Variants in PLN observed in about 807,000 individuals in gnomAD.
PLN encodes phospholamban.
PLN carries 1 observed loss-of-function variant against 3.9 expected under a neutral mutation model. The ratio of observed to expected loss-of-function variants is 0.26; its 90% CI spans 0.09 to 1.23. The LOEUF (loss-of-function observed/expected upper bound fraction) is 1.23, where lower values mean the gene tolerates loss of function less well. Among genes scored for constraint, PLN ranks in the 50% most tolerant of loss-of-function variants. The pLI is 0.48. For missense variants in PLN, 59 were observed against 62.7 expected, an observed-to-expected ratio of 0.94 and a Z score of 0.20; for synonymous variants, 21 against 20.5, an observed-to-expected ratio of 1.02 and a Z score of -0.07.
chr6:118,555,192 G>C (rs1222506634), intron 1 of PLN, among the ~76,000 whole-genome samples: 2 of 152,176 alleles, frequency 1.3e-5, no homozygotes, highest in Non-Finnish European at 2.9e-5. Flanking sequence ...AGCACTTTGG[G>C]AGGCCGAGGC....
chr6:118,556,120 T>G (rs1778857856), intron 1 of PLN, among the ~76,000 whole-genome samples: 1 of 152,228 alleles, frequency 6.6e-6, no homozygotes, highest in African/African-American at 2.4e-5. Context: ...TTCATGGGTG[T>G]ATGTCTTTAC....
intron 1 of PLN, among the ~76,000 whole-genome samples, chr6:118,554,139 T>TGG (rs1778708499): frequency 6.6e-6 from 1 of 151,886 alleles, no homozygotes; most frequent in African/African-American, 2.4e-5. Flanking sequence ...AATACAAAAA[T>TGG]TAGCCAGGCA....
At chr6:118,556,787 A>G (rs923137064) in intron 1 of PLN, among the ~76,000 whole-genome samples, 3 of 152,114 alleles carry the variant, frequency 2.0e-5, no homozygotes, top group Non-Finnish European at 4.4e-5. Flanking sequence ...CATTTTTCTT[A>G]TTTCAAAATT....
chr6:118,548,879 ATAT>A (rs1016829333), intron 1 of PLN, among the ~76,000 whole-genome samples: 22 of 152,062 alleles, frequency 1.4e-4, no homozygotes, highest in Non-Finnish European at 2.5e-4. Flanking sequence ...GCCTATTCCA[ATAT>A]TATCATAATT....
intron 1 of PLN, among the ~76,000 whole-genome samples, chr6:118,555,943 C>T (rs1001771767): frequency 6.6e-6 from 1 of 152,164 alleles, no homozygotes; most frequent in Non-Finnish European, 1.5e-5. Context: ...GGGATAATGA[C>T]CTCCAGCTCC....
chr6:118,559,185 A>G lies in PLN; in HGVS notation c.*105A>G, dbSNP rs1218771930. ...TTGTATAACAGACCACTTCCTGAGTAGAAGAGTTTCTTTGTGAAAAGGTCA... is the reference window on the plus strand; with the variant it reads ...TTGTATAACAGACCACTTCCTGAGTGGAAGAGTTTCTTTGTGAAAAGGTCA... On this transcript the variant is annotated 3_prime_UTR_variant, in exon 2 of 2. Coordinates refer to ENST00000357525, the MANE Select transcript of PLN (RefSeq NM_002667.5). The G allele has an allele frequency of 8.1e-6, 7 of 861,588 alleles. No homozygotes were observed. The highest frequency in any genetic ancestry group is 5.1e-5 in the Admixed American group (3 of 58,784). The allele number at this position is 861,588 out of a possible 1,614,324, so 53.4% of individuals were successfully genotyped here. A position where few individuals can be genotyped will look rare whatever the true frequency, so the allele number is the denominator to read the frequency against.
At chr6:118,556,656 G>A (rs1224093424) in intron 1 of PLN, among the ~76,000 whole-genome samples, 1 of 152,110 alleles carries the variant, frequency 6.6e-6, no homozygotes, top group South Asian at 2.1e-4. Context: ...AAGGACTTAG[G>A]AGAAAATAAA....
intron 1 of PLN, among the ~76,000 whole-genome samples, chr6:118,557,820 G>A (rs558770387): frequency 1.4e-4 from 22 of 152,306 alleles, no homozygotes; most frequent in Admixed American, 2.0e-4. Flanking sequence ...AGATCCCACC[G>A]TATTTGAATT....
chr6:118,556,716 C>G (rs1216252050), intron 1 of PLN, among the ~76,000 whole-genome samples: 2 of 152,086 alleles, frequency 1.3e-5, no homozygotes, highest in Non-Finnish European at 2.9e-5. Flanking sequence ...AATAATATAT[C>G]AACAAATGTT....
Position 118,554,513 on chromosome 6 carries a change from A to G in PLN, c.-97-4312A>G, listed in dbSNP as rs1212021622. On this transcript the variant is annotated intron_variant, in intron 1 of 1. Coordinates refer to ENST00000357525, the MANE Select transcript of PLN (RefSeq NM_002667.5). ...TCATAAAAATCCCTTATTTAACTTTAGTGATTTATTGAAGCATACCAATTA... is the reference window on the plus strand; with the variant it reads ...TCATAAAAATCCCTTATTTAACTTTGGTGATTTATTGAAGCATACCAATTA... Among the ~76,000 whole-genome samples the G allele has an allele frequency of 2.6e-5, 4 of 152,274 alleles. No homozygotes were observed. The East Asian group carries it at 7.7e-4, about 29-fold the overall frequency.
chr6:118,556,210 CTGCTATT>C (rs1280948400), intron 1 of PLN, among the ~76,000 whole-genome samples: 1 of 152,148 alleles, frequency 6.6e-6, no homozygotes, highest in Non-Finnish European at 1.5e-5. Context: ...CTTTTATAAG[CTGCTATT>C]TTCTAAGTAG....
chr6:118,557,921 G>T (rs1778973465), intron 1 of PLN, among the ~76,000 whole-genome samples: 1 of 149,980 alleles, frequency 6.7e-6, no homozygotes, highest in South Asian at 2.1e-4. Context: ...CACAACCACT[G>T]TTACTCACTG....
At position 118,560,374 on chromosome 6, in the gene PLN, A is replaced by G. The variant is rs951182196; in HGVS notation, c.*1294A>G. 2 of 167,008 alleles carry G rather than the reference A, an allele frequency of 1.2e-5. No individual in the cohort carries two copies. The highest frequency in any genetic ancestry group is 6.5e-5 in the Admixed American group (1 of 15,282). 10.3% of individuals were successfully genotyped at this position (167,008 alleles called of 1,614,324 possible). Reference sequence around the variant, plus strand: ...TAGAGAAAATGTTATTTAGAAAATCATAAGAAAGAGAAAATATATTTACTA... The same window carrying G: ...TAGAGAAAATGTTATTTAGAAAATCGTAAGAAAGAGAAAATATATTTACTA... On this transcript the variant is annotated 3_prime_UTR_variant, in exon 2 of 2. Coordinates refer to ENST00000357525, the MANE Select transcript of PLN (RefSeq NM_002667.5).
In PLN at chr6:118,558,882, C is replaced by T. The variant is rs774271388; in HGVS notation, c.-40C>T. 7.7e-6 allele frequency: 12 copies of T among 1,552,310 alleles called. No homozygotes were observed. Among genetic ancestry groups the T allele is most frequent in the Admixed American group, 3.3e-5 (2 of 59,798 alleles). ...GGCTGCCAGCTTTTTATCTTTCTCT[C>T]GACCACTTAAAACTTCAGACTTCCT... On this transcript the variant is annotated 5_prime_UTR_variant, in exon 2 of 2. Coordinates refer to ENST00000357525, the MANE Select transcript of PLN (RefSeq NM_002667.5).
intron 1 of PLN, among the ~76,000 whole-genome samples, chr6:118,553,383 G>A (rs1360903958): frequency 6.6e-6 from 1 of 152,114 alleles, no homozygotes; most frequent in African/African-American, 2.4e-5. Flanking sequence ...CTCAATGTAT[G>A]ACAGGAAGCC....
At chr6:118,554,089 A>G (rs767670455) in intron 1 of PLN, among the ~76,000 whole-genome samples, 3 of 152,100 alleles carry the variant, frequency 2.0e-5, no homozygotes, top group Non-Finnish European at 2.9e-5. Context: ...GGAGTTTGAG[A>G]CCAGCCTGTG....
intron 1 of PLN, among the ~76,000 whole-genome samples, chr6:118,557,819 C>T (rs1328168905): frequency 2.6e-5 from 4 of 152,242 alleles, no homozygotes; most frequent in East Asian, 1.9e-4. Flanking sequence ...GAGATCCCAC[C>T]GTATTTGAAT....
At chr6:118,555,492 A>G (rs568984798) in intron 1 of PLN, among the ~76,000 whole-genome samples, 31 of 152,148 alleles carry the variant, frequency 2.0e-4, no homozygotes, top group African/African-American at 7.5e-4. Flanking sequence ...CCAATCCACT[A>G]GATCTACAAT....
chr6:118,556,848 G>A (rs1296974671), intron 1 of PLN, among the ~76,000 whole-genome samples: 1 of 152,004 alleles, frequency 6.6e-6, no homozygotes, highest in Non-Finnish European at 1.5e-5. Context: ...TGTTAATAAC[G>A]ATTATCTCTG....
Sources: allele counts gnomAD v4.1 joint callset (sites outside exome capture counted in the v4.1 genomes callset), GRCh38; gene constraint gnomAD v4.1.1; transcripts MANE v1.5; gene names NCBI Gene and HGNC (gene_info 2026-07-23, HGNC 2026-07-21).